Variants in SAMD7 observed in about 807,000 individuals in gnomAD.
SAMD7 encodes the protein sterile alpha motif domain containing 7.
SAMD7 carries 34 observed loss-of-function variants against 36.7 expected under a neutral mutation model. The ratio of observed to expected loss-of-function variants is 0.93; its 90% CI spans 0.71 to 1.23. The LOEUF (loss-of-function observed/expected upper bound fraction) is 1.23. SAMD7 is among the 50% of genes most tolerant of loss of function. The pLI, the probability that SAMD7 is intolerant of heterozygous loss-of-function variation, is 0.00. For synonymous variants in SAMD7, 188 were observed against 189.7 expected, an observed-to-expected ratio of 0.99 and a Z score of 0.07; for missense variants, 570 against 546.6, an observed-to-expected ratio of 1.04 and a Z score of -0.43.
At chr3:169,928,691 T>C in intron 7 of SAMD7, 113 bp downstream of exon 7, 1 of 1,145,322 alleles carries the variant, frequency 8.7e-7, no homozygotes, top group Non-Finnish European at 1.3e-6. Context: ...CCTACTAATC[T>C]CTCTTTTTTA....
chr3:169,938,194 C>T (rs1315567924), intron 8 of SAMD7, 124 bp from the exon 9 acceptor site: 3 of 643,808 alleles, frequency 4.7e-6, no homozygotes, highest in East Asian at 5.5e-5. Flanking sequence ...GTGACCCCCA[C>T]AACTATATGT....
At chr3:169,912,707 C>T (rs142464310) in intron 1 of SAMD7, among the ~76,000 whole-genome samples, 1 of 152,168 alleles carries the variant, frequency 6.6e-6, no homozygotes, top group Non-Finnish European at 1.5e-5. Flanking sequence ...CAGCAGCCAG[C>T]ACGTAACCCA....
intron 7 of SAMD7, chr3:169,933,082 C>T (rs771459293): frequency 5.6e-6 from 5 of 898,108 alleles, no homozygotes; most frequent in Non-Finnish European, 7.4e-6. Context: ...TCTGCCATGG[C>T]CCATGACCCC....
intron 7 of SAMD7, chr3:169,932,875 C>A: frequency 1.6e-6 from 1 of 625,634 alleles, no homozygotes; most frequent in Non-Finnish European, 3.1e-6. Flanking sequence ...ATGCTGACTG[C>A]CATTACTATA....
At position 169,938,626 on chromosome 3, in the gene SAMD7, T is replaced by TG. The variant is rs1331545147; in HGVS notation, c.*124dup. On this transcript the variant is annotated 3_prime_UTR_variant, in exon 9 of 9. Coordinates refer to ENST00000335556, the MANE Select transcript of SAMD7 (RefSeq NM_001304366.2). The stretch of plus-strand genomic sequence containing the variant: ...AATGAGAAGAGAAAGTCAGCCTTTC[T>TG]GGGGCTTTCATGGAGGAGACTTGCC... 1.5e-6 allele frequency: 1 copy of TG among 679,086 alleles called. No individual in the cohort carries two copies. Among genetic ancestry groups the TG allele is most frequent in the East Asian group, 2.9e-5 (1 of 35,050 alleles). The allele number at this position is 679,086 out of a possible 1,614,324, so 42.1% of individuals were successfully genotyped here. A position where few individuals can be genotyped will look rare whatever the true frequency, so the allele number is the denominator to read the frequency against.
At chr3:169,933,598 TTC>T (rs1486358205) in intron 7 of SAMD7, among the ~76,000 whole-genome samples, 4 of 152,222 alleles carry the variant, frequency 2.6e-5, no homozygotes, top group Non-Finnish European at 4.4e-5. Context: ...TTTCAGTCCT[TTC>T]TCCACACCGG....
intron 6 of SAMD7, among the ~76,000 whole-genome samples, chr3:169,928,017 A>C (rs1713343546): frequency 6.6e-6 from 1 of 152,218 alleles, no homozygotes; most frequent in South Asian, 2.1e-4. Flanking sequence ...AATATATTTT[A>C]AGACACAGGG....
intron 8 of SAMD7, among the ~76,000 whole-genome samples, chr3:169,937,409 C>A (rs974357209): frequency 2.0e-5 from 3 of 152,166 alleles, no homozygotes; most frequent in Non-Finnish European, 2.9e-5. Flanking sequence ...CTCCCTCCCC[C>A]CATCCCAACC....
chr3:169,914,364 T>C (rs928699209), intron 1 of SAMD7, among the ~76,000 whole-genome samples: 5 of 152,174 alleles, frequency 3.3e-5, no homozygotes, highest in African/African-American at 1.2e-4. Flanking sequence ...AATTTGGGCA[T>C]CAGTCGATAT....
At chr3:169,919,420 A>C in intron 2 of SAMD7, 38 bp from the exon 3 acceptor site, 2 of 1,064,754 alleles carry the variant, frequency 1.9e-6, no homozygotes, top group Non-Finnish European at 2.9e-6. Context: ...CACAAAAAGT[A>C]GAGTTATTTG....
At chr3:169,933,243 T>TA in intron 7 of SAMD7, 1 of 536,448 alleles carries the variant, frequency 1.9e-6, no homozygotes. Context: ...TAACTCTCAA[T>TA]AAAAAATAAG....
At chr3:169,922,212 A>G (rs1474394795) in intron 4 of SAMD7, among the ~76,000 whole-genome samples, 3 of 152,208 alleles carry the variant, frequency 2.0e-5, no homozygotes, top group Non-Finnish European at 4.4e-5. Flanking sequence ...TCTGAGGACA[A>G]TTTAGGGATA....
At chr3:169,913,839 G>C (rs961184909) in intron 1 of SAMD7, among the ~76,000 whole-genome samples, 3 of 152,170 alleles carry the variant, frequency 2.0e-5, no homozygotes, top group African/African-American at 7.2e-5. Context: ...ATATGACACA[G>C]TACCCTCAAA....
At chr3:169,925,447 C>G (rs1713219348) in intron 5 of SAMD7, among the ~76,000 whole-genome samples, 1 of 152,196 alleles carries the variant, frequency 6.6e-6, no homozygotes, top group Non-Finnish European at 1.5e-5. Context: ...GAAATCACGG[C>G]CGGGCACAGT....
rs971214535 is a variant in SAMD7 at position 169,932,076 on chromosome 3, T to G, written c.1041+3498T>G. 4 of 536,164 alleles carry G rather than the reference T, an allele frequency of 7.5e-6. No individual in the cohort carries two copies. The African/African-American group carries it at 7.9e-5, about 11-fold the overall frequency. 33.2% of individuals were successfully genotyped at this position (536,164 alleles called of 1,614,324 possible). ...CACCAAAGTTTTCCTGATTGACAAC[T>G]TAGATACATCAACTGCCAAGCAGCG... is the stretch of plus-strand genomic sequence containing the variant. On this transcript the variant is annotated intron_variant, in intron 7 of 8. Coordinates refer to ENST00000335556, the MANE Select transcript of SAMD7 (RefSeq NM_001304366.2).
rs1467578294 is a variant in SAMD7, at chr3:169,926,761, G to C, written c.499G>C (p.Ala167Pro). The C allele has an allele frequency of 2.5e-6, 4 of 1,613,966 alleles. No homozygotes were observed. The highest frequency in any genetic ancestry group is 3.4e-6 in the Non-Finnish European group (4 of 1,179,968). ...LRNLQGNPML[A>P]ATAPHFEESW... ...AAACCTTCAGGGAAACCCCATGCTA[G>C]CGGCAACTGCACCACACTTTGAGGA... The change falls in exon 6 of 9, where the codon GCG becomes CCG. Residue 167 changes from alanine (A) to proline (P), a missense_variant. Transcript: ENST00000335556.
At position 169,926,621 on chromosome 3, in the gene SAMD7, C is replaced by T; in HGVS notation, c.359C>T (p.Ala120Val). 6.2e-7 allele frequency: 1 copy of T among 1,613,324 alleles called. No individual in the cohort carries two copies. ...RMEKINPKGLAGLGIPFLYGS... is the reference protein window; with the variant it reads ...RMEKINPKGLVGLGIPFLYGS... ...GAAAAAATTAATCCCAAGGGACTAG[C>T]AGGCCTAGGGATACCCTTCCTCTAT... Residue 120 changes from alanine (A) to valine (V), a missense_variant, in exon 6 of 9, where the codon GCA (alanine) becomes GTA (valine). By Grantham distance (64) the Ala-to-Val change is moderately conservative (BLOSUM62 0). Transcript: ENST00000335556.
At chr3:169,931,846 G>A (rs548508580) in intron 7 of SAMD7, among the ~76,000 whole-genome samples, 21 of 152,136 alleles carry the variant, frequency 1.4e-4, no homozygotes, top group South Asian at 6.2e-4. Context: ...AGCCACGAGC[G>A]AGTCTAGGAC....
chr3:169,920,930 G>C (rs1713016457), intron 3 of SAMD7, among the ~76,000 whole-genome samples: 1 of 152,204 alleles, frequency 6.6e-6, no homozygotes, highest in African/African-American at 2.4e-5. Context: ...TCAGAGAGCA[G>C]TGTTGATTTA....
Sources: allele counts gnomAD v4.1 joint callset (sites outside exome capture counted in the v4.1 genomes callset), GRCh38; gene constraint gnomAD v4.1.1; transcripts MANE v1.5; gene names NCBI Gene and HGNC (gene_info 2026-07-23, HGNC 2026-07-21).